The following MACROD2 variants were observed in gnomAD, a reference collection of about 807,000 sequenced individuals.
MACROD2 encodes mono-ADP ribosylhydrolase 2.
In MACROD2, 36 loss-of-function variants were observed where a neutral mutation model predicts 70.4. That is an observed-to-expected ratio of 0.51 (90% CI 0.39 to 0.68). The LOEUF (loss-of-function observed/expected upper bound fraction) is 0.68. MACROD2 is among the 30% of genes least tolerant of loss of function. MACROD2 has a pLI of 0.00. For missense variants in MACROD2, 496 were observed against 538.4 expected (o/e 0.92, Z 0.78); for synonymous variants, 172 against 178.8 (o/e 0.96, Z 0.30).
At chr20:15,935,903 C>T (rs1052285922) in intron 11 of MACROD2, among the ~76,000 whole-genome samples, 2 of 152,090 alleles carry the variant, frequency 1.3e-5, no homozygotes, top group African/African-American at 4.8e-5. Flanking sequence ...TTTCCATTGT[C>T]TGGGTTTGGG....
At chr20:14,013,839 C>T (rs866968425) in intron 2 of MACROD2, among the ~76,000 whole-genome samples, 30 of 151,932 alleles carry the variant, frequency 2.0e-4, no homozygotes, top group Non-Finnish European at 1.2e-4. Flanking sequence ...CCTGCCATCA[C>T]GCCCAGCTAA....
At chr20:14,313,218 A>C (rs1212059937) in intron 3 of MACROD2, among the ~76,000 whole-genome samples, 1 of 152,180 alleles carries the variant, frequency 6.6e-6, no homozygotes, top group Non-Finnish European at 1.5e-5. Context: ...TTAACCCTCT[A>C]GTTTTTATCA....
At chr20:15,404,788 G>T (rs1031837962) in intron 6 of MACROD2, among the ~76,000 whole-genome samples, 6 of 152,138 alleles carry the variant, frequency 3.9e-5, no homozygotes, top group African/African-American at 1.2e-4. Flanking sequence ...CCATTCAGTA[G>T]CATTGACTCT....
At chr20:15,199,294 C>A (rs1043185386) in intron 5 of MACROD2, among the ~76,000 whole-genome samples, 30 of 152,068 alleles carry the variant, frequency 2.0e-4, no homozygotes, top group African/African-American at 7.0e-4. Context: ...GAGGTCGAAG[C>A]TGCAGTGAGC....
chr20:14,841,594 A>G (rs1257793772), intron 5 of MACROD2, among the ~76,000 whole-genome samples: 1 of 152,046 alleles, frequency 6.6e-6, no homozygotes, highest in Non-Finnish European at 1.5e-5. Flanking sequence ...ACTACAATGC[A>G]GCTTTTGTAG....
rs138798671 is a variant in MACROD2 at position 14,060,264 on chromosome 20, G to C, written c.164-25357G>C. Among the ~76,000 whole-genome samples the C allele has an allele frequency of 3.9e-3, 599 of 152,182 alleles. 2 individuals carry two copies. Among genetic ancestry groups the C allele is most frequent in the Middle Eastern group, 0.014 (4 of 294 alleles). On this transcript the variant is annotated intron_variant, in intron 2 of 17. Transcript: ENST00000684519. ...TTAACCCTCTGATAAGCAGTTACCT[G>C]TGTCTATGTGGTCCAAGCCACTTCG...
chr20:15,266,362 G>T (rs180828065), intron 6 of MACROD2, among the ~76,000 whole-genome samples: 72 of 152,266 alleles, frequency 4.7e-4, no homozygotes, highest in African/African-American at 1.7e-3. Context: ...CCTGGGTCTT[G>T]GTTGCTTCTA....
chr20:15,907,662 C>T (rs550200557), intron 10 of MACROD2, among the ~76,000 whole-genome samples: 10 of 152,248 alleles, frequency 6.6e-5, no homozygotes, highest in Non-Finnish European at 1.2e-4. Flanking sequence ...GCTGATGACA[C>T]GGTGTGCCGT....
At chr20:14,190,636 C>T (rs375542309) in intron 3 of MACROD2, among the ~76,000 whole-genome samples, 9 of 140,612 alleles carry the variant, frequency 6.4e-5, no homozygotes, top group African/African-American at 2.4e-4. Context: ...TTATTTTACC[C>T]ACACCACTTT....
chr20:15,288,554 G>T (rs149936059), intron 6 of MACROD2, among the ~76,000 whole-genome samples: 1 of 152,266 alleles, frequency 6.6e-6, no homozygotes, highest in East Asian at 1.9e-4. Flanking sequence ...CCATCTAATT[G>T]GTCGAAGGCT....
At chr20:15,273,295 C>A (rs2077361844) in intron 6 of MACROD2, among the ~76,000 whole-genome samples, 1 of 152,072 alleles carries the variant, frequency 6.6e-6, no homozygotes, top group Non-Finnish European at 1.5e-5. Flanking sequence ...ACTTCCTGCC[C>A]TCAAACATTG....
At chr20:15,899,560 TA>T (rs2065033271) in intron 10 of MACROD2, among the ~76,000 whole-genome samples, 1 of 152,230 alleles carries the variant, frequency 6.6e-6, no homozygotes, top group African/African-American at 2.4e-5. Context: ...AAATGGACTA[TA>T]TGTTGCTAAG....
At chr20:14,408,649 A>T (rs567530974) in intron 3 of MACROD2, among the ~76,000 whole-genome samples, 1 of 152,306 alleles carries the variant, frequency 6.6e-6, no homozygotes, top group African/African-American at 2.4e-5. Flanking sequence ...AGAGAAGCCA[A>T]GTGGGTAGCG....
intron 5 of MACROD2, among the ~76,000 whole-genome samples, chr20:15,137,225 CTG>C (rs1302786135): frequency 2.6e-5 from 4 of 151,424 alleles, no homozygotes; most frequent in Non-Finnish European, 1.5e-5. Context: ...ACCCAAAGGA[CTG>C]TAAATCATGC....
intron 8 of MACROD2, among the ~76,000 whole-genome samples, chr20:15,620,686 A>G (rs2049112530): frequency 6.6e-6 from 1 of 152,214 alleles, no homozygotes; most frequent in Non-Finnish European, 1.5e-5. Flanking sequence ...AGCTACTTAC[A>G]GAGACTCCAG....
chr20:15,555,828 CAAAAAAAA>C (rs397838341), intron 8 of MACROD2, among the ~76,000 whole-genome samples: 4 of 18,564 alleles, frequency 2.2e-4, no homozygotes, highest in Admixed American at 9.0e-4. Flanking sequence ...GACTCCATCT[CAAAAAAAA>C]AAAAAAAAAA....
At chr20:14,604,187 C>T (rs554021853) in intron 4 of MACROD2, among the ~76,000 whole-genome samples, 1 of 152,236 alleles carries the variant, frequency 6.6e-6, no homozygotes, top group African/African-American at 2.4e-5. Flanking sequence ...AAGGTTTTTC[C>T]TCTTCTCCTT....
intron 5 of MACROD2, among the ~76,000 whole-genome samples, chr20:14,862,257 A>ATAAATATATATTTATATATTAATATATG (rs2073349503): frequency 2.0e-5 from 1 of 50,480 alleles, no homozygotes. Flanking sequence ...ATTAATATAT[A>ATAAATATATATTTATATATTAATATATG]TAAATATATT....
chr20:15,346,588 G>A (rs984374624), intron 6 of MACROD2, among the ~76,000 whole-genome samples: 2 of 152,162 alleles, frequency 1.3e-5, no homozygotes, highest in Non-Finnish European at 2.9e-5. Flanking sequence ...TGCCAGGGAA[G>A]GAATGTGTGT....
Sources: gnomAD v4.1 joint callset for allele counts (sites outside exome capture counted in the v4.1 genomes callset) on GRCh38, gnomAD v4.1.1 for gene constraint, MANE v1.5 for transcripts, NCBI Gene and HGNC (gene_info 2026-07-23, HGNC 2026-07-21) for gene names.